Variants in DCC observed in about 807,000 individuals in gnomAD.
DCC encodes DCC netrin 1 receptor, also known as netrin receptor DCC.
DCC carries 58 observed loss-of-function variants against 172.5 expected under a neutral mutation model. That is an observed-to-expected ratio of 0.34 (90% confidence interval 0.27 to 0.42). The LOEUF is 0.42. DCC is among the 10% of genes least tolerant of loss of function. The pLI, the probability that DCC is intolerant of heterozygous loss-of-function variation, is 1.00. For missense variants in DCC, 1,740 were observed against 1,791.0 expected, an observed-to-expected ratio of 0.97 and a Z score of 0.51; for synonymous variants, 709 against 644.5, an observed-to-expected ratio of 1.10 and a Z score of -1.52.
At chr18:52,722,286 T>C (rs1025543650) in intron 1 of DCC, among the ~76,000 whole-genome samples, 2 of 152,172 alleles carry the variant, frequency 1.3e-5, no homozygotes, top group Admixed American at 1.3e-4. Flanking sequence ...TGTTCCTTTT[T>C]AAACTTTTTT....
intron 1 of DCC, among the ~76,000 whole-genome samples, chr18:52,591,848 C>T (rs1288553493): frequency 7.5e-6 from 1 of 133,788 alleles, no homozygotes; most frequent in Non-Finnish European, 1.6e-5. Flanking sequence ...TGGTCTCAAA[C>T]TTCTGGCCTC....
At chr18:52,806,857 T>C (rs1439389132) in intron 2 of DCC, among the ~76,000 whole-genome samples, 2 of 152,078 alleles carry the variant, frequency 1.3e-5, no homozygotes, top group Admixed American at 6.5e-5. Flanking sequence ...GCCAGTTTGG[T>C]CATGAGGGGG....
intron 1 of DCC, among the ~76,000 whole-genome samples, chr18:52,591,234 A>T (rs1357857935): frequency 6.6e-6 from 1 of 152,182 alleles, no homozygotes; most frequent in Non-Finnish European, 1.5e-5. Context: ...TCTTTTTAGC[A>T]TTCTTTTAAA....
chr18:53,210,143 A>C (rs559054343), intron 11 of DCC, among the ~76,000 whole-genome samples: 41 of 152,254 alleles, frequency 2.7e-4, no homozygotes, highest in African/African-American at 9.6e-4. Flanking sequence ...GTCCAACACA[A>C]ATGTGTGGCT....
Position 52,752,336 on chromosome 18 carries a change from G to A in DCC, c.374G>A (p.Gly125Asp). ...YQCEASLGDSGSIISRTAKVA... is the reference protein window; with the variant it reads ...YQCEASLGDSDSIISRTAKVA... Reference sequence around the variant, plus strand: ...TGTGAGGCATCTTTAGGAGATTCTGGCTCAATTATTAGTCGGACAGCAAAA... The same window carrying A: ...TGTGAGGCATCTTTAGGAGATTCTGACTCAATTATTAGTCGGACAGCAAAA... Residue 125 changes from glycine (G) to aspartate (D), a missense_variant, in exon 2 of 29, where the codon GGC becomes GAC. Gly to Asp is a moderately conservative substitution (Grantham distance 94). Around this residue, in one of 2 missense-constraint regions of DCC, gnomAD observed 1,732 missense variants for 1,767.4 expected, o/e 0.98. Coordinates refer to ENST00000442544, the MANE Select transcript of DCC (RefSeq NM_005215.4). 1 of 1,614,136 alleles carries A rather than the reference G, an allele frequency of 6.2e-7. No individual in the cohort carries two copies. Among genetic ancestry groups the A allele is most frequent in the African/African-American group, 1.3e-5 (1 of 75,042 alleles).
chr18:52,394,217 C>T (rs368448645), intron 1 of DCC, among the ~76,000 whole-genome samples: 18 of 151,952 alleles, frequency 1.2e-4, no homozygotes, highest in African/African-American at 4.3e-4. Context: ...TGACACTAGC[C>T]TTCAGGTTTC....
chr18:52,584,229 G>A (rs933893893), intron 1 of DCC, among the ~76,000 whole-genome samples: 1 of 152,192 alleles, frequency 6.6e-6, no homozygotes, highest in African/African-American at 2.4e-5. Context: ...CAAGGAAGAA[G>A]GAACGTGGCT....
At chr18:53,379,165 C>T (rs1907537125) in intron 15 of DCC, among the ~76,000 whole-genome samples, 1 of 152,222 alleles carries the variant, frequency 6.6e-6, no homozygotes, top group Non-Finnish European at 1.5e-5. Flanking sequence ...TGTGGAAGCC[C>T]TGGTTCATTG....
At chr18:52,637,086 G>C (rs1285521873) in intron 1 of DCC, among the ~76,000 whole-genome samples, 2 of 152,140 alleles carry the variant, frequency 1.3e-5, no homozygotes, top group East Asian at 3.9e-4. Context: ...CTACATTTTG[G>C]CTCACAGGAA....
chr18:52,845,527 T>C (rs2038872325), intron 2 of DCC, among the ~76,000 whole-genome samples: 1 of 152,080 alleles, frequency 6.6e-6, no homozygotes, highest in Non-Finnish European at 1.5e-5. Flanking sequence ...TGAAAACCTC[T>C]AAACAATTAG....
rs77872612 is a variant in DCC at position 52,721,460 on chromosome 18, T to C, written c.92-30594T>C. On this transcript the variant is annotated intron_variant, in intron 1 of 28. Coordinates refer to ENST00000442544, the MANE Select transcript of DCC (RefSeq NM_005215.4). ...CCAAATATAAACTATCAGGTCAGAT[T>C]TGACTTTATCAACTAGGCACTGGGT... Among the ~76,000 whole-genome samples, 1,016 of 152,310 alleles carry C rather than the reference T, an allele frequency of 6.7e-3. 6 individuals carry two copies. The highest frequency in any genetic ancestry group is 0.011 in the Non-Finnish European group (716 of 68,034).
intron 7 of DCC, among the ~76,000 whole-genome samples, chr18:53,084,076 C>T (rs550856467): frequency 6.6e-6 from 1 of 152,174 alleles, no homozygotes; most frequent in South Asian, 2.1e-4. Flanking sequence ...AAAAGGAATT[C>T]AATTCTTACA....
At chr18:53,446,098 C>CAA (rs1246126122) in intron 22 of DCC, among the ~76,000 whole-genome samples, 869 of 32,024 alleles carry the variant, frequency 0.027, 24 homozygotes, top group African/African-American at 0.045. Context: ...CCTGTCTCTA[C>CAA]AAAAAAAAAA....
intron 13 of DCC, among the ~76,000 whole-genome samples, chr18:53,313,252 A>G (rs1391957762): frequency 2.0e-5 from 3 of 151,806 alleles, no homozygotes; most frequent in Non-Finnish European, 2.9e-5. Context: ...TATTGTTATT[A>G]TTATTATTTT....
chr18:53,330,678 A>G (rs2057520878), intron 14 of DCC, among the ~76,000 whole-genome samples: 1 of 152,056 alleles, frequency 6.6e-6, no homozygotes, highest in African/African-American at 2.4e-5. Context: ...ACTGCCCTCC[A>G]GGTTCACTTC....
intron 7 of DCC, among the ~76,000 whole-genome samples, chr18:53,120,977 T>A (rs1177826874): frequency 1.3e-5 from 2 of 151,920 alleles, no homozygotes; most frequent in Non-Finnish European, 2.9e-5. Flanking sequence ...CCCTGATGTA[T>A]TCTGTGGAAA....
At chr18:53,516,538 T>C (rs1228120887) in intron 27 of DCC, among the ~76,000 whole-genome samples, 2 of 150,418 alleles carry the variant, frequency 1.3e-5, no homozygotes, top group East Asian at 1.9e-4. Context: ...AGAAAATTTT[T>C]GCAACCTACT....
In DCC at chr18:53,140,382, A is replaced by T. The variant is rs530235820; in HGVS notation, c.1262-16974A>T. On this transcript the variant is annotated intron_variant, in intron 7 of 28. Coordinates refer to ENST00000442544, the MANE Select transcript of DCC (RefSeq NM_005215.4). ...AATTATCTTGCCATATTTTAGGATG[A>T]TGTTTCCGTATGGGTGGCATTTTTA... 4.6e-5 allele frequency among the ~76,000 whole-genome samples: 7 copies of T among 152,324 alleles called. No individual in the cohort carries two copies. In the East Asian group the frequency reaches 1.3e-3, roughly 29 times the overall value.
chr18:53,094,995 TTAC>T (rs544035565), intron 7 of DCC, among the ~76,000 whole-genome samples: 15 of 152,298 alleles, frequency 9.8e-5, no homozygotes, highest in Middle Eastern at 3.4e-3. Flanking sequence ...TGTCTTGCTA[TTAC>T]TACACATTTT....
Sources: gnomAD v4.1 joint callset for allele counts (sites outside exome capture counted in the v4.1 genomes callset) on GRCh38, gnomAD v4.1.1 for gene constraint, gnomAD v4.1.1 regional missense constraint, MANE v1.5 for transcripts, NCBI Gene and HGNC (gene_info 2026-07-23, HGNC 2026-07-21) for gene names.